OSBPL2: variants seen among roughly 807,000 people sequenced by gnomAD.
OSBPL2 encodes oxysterol binding protein like 2, also known as oxysterol-binding protein-related protein 2.
In OSBPL2, 18 loss-of-function variants were observed where a neutral mutation model predicts 58.4. The ratio of observed to expected loss-of-function variants is 0.31; its 90% CI spans 0.21 to 0.46. The LOEUF (loss-of-function observed/expected upper bound fraction) is 0.46. OSBPL2 is among the 20% of genes least tolerant of loss of function. The pLI is 1.00. For synonymous variants in OSBPL2, 221 were observed against 234.1 expected (o/e 0.94, Z 0.51); for missense variants, 461 against 616.5 (o/e 0.75, Z 2.67).
At chr20:62,283,164 G>A (rs1982899342) in intron 9 of OSBPL2, among the ~76,000 whole-genome samples, 1 of 152,034 alleles carries the variant, frequency 6.6e-6, no homozygotes, top group Admixed American at 6.6e-5. Context: ...CAGGGACCCC[G>A]AGGCCAGACT....
At chr20:62,249,115 T>TG (rs1980352971) in intron 1 of OSBPL2, among the ~76,000 whole-genome samples, 1 of 152,182 alleles carries the variant, frequency 6.6e-6, no homozygotes, top group Non-Finnish European at 1.5e-5. Flanking sequence ...GAAAGTGTGC[T>TG]GGGGTCCTTT....
At chr20:62,289,928 AACAC>A (rs1447068879) in intron 12 of OSBPL2, among the ~76,000 whole-genome samples, 1 of 152,044 alleles carries the variant, frequency 6.6e-6, no homozygotes, top group African/African-American at 2.4e-5. Context: ...AACAACAAAA[AACAC>A]AAACAAAAAA....
At position 62,260,098 on chromosome 20, in the gene OSBPL2, C is replaced by G. The variant is rs1352504596; in HGVS notation, c.155C>G (p.Ser52Cys). ...ATTGGGAAAACTGGGGAGAGGCCCTCTCAAGAGAACGGAATTCAGAAACAC... is the reference window on the plus strand; with the variant it reads ...ATTGGGAAAACTGGGGAGAGGCCCTGTCAAGAGAACGGAATTCAGAAACAC... ...NRIGKTGERPSQENGIQKHRT... is the reference protein window; with the variant it reads ...NRIGKTGERPCQENGIQKHRT... The change falls in exon 3 of 14, where the codon TCT (serine) becomes TGT (cysteine). Residue 52 changes from serine to cysteine, a missense_variant. Ser to Cys is a moderately radical substitution (Grantham distance 112). Coordinates refer to ENST00000313733, the MANE Select transcript of OSBPL2 (RefSeq NM_144498.4). 1 of 1,613,840 alleles carries G rather than the reference C, an allele frequency of 6.2e-7. No individual in the cohort carries two copies. Among genetic ancestry groups the G allele is most frequent in the Admixed American group, 1.7e-5 (1 of 59,974 alleles).
intron 1 of OSBPL2, chr20:62,255,098 CTTT>C (rs11479147): frequency 1.1e-4 from 15 of 134,434 alleles, no homozygotes; most frequent in Non-Finnish European, 1.4e-4. Context: ...GCCCCCATGA[CTTT>C]TTTTTTTTTT....
chr20:62,281,826 T>C lies in OSBPL2; in HGVS notation c.819T>C (p.Cys273=). The C allele has an allele frequency of 6.2e-7, 1 of 1,612,500 alleles. No individual in the cohort carries two copies. The part of the protein sequence containing the change: ...GHKCVLHFKP[C]GLFGKELHKV... ...AGTGTGTGCTTCACTTTAAACCGTG[T>C]GGATTATTTGGAAAAGAACTTCACA... Residue 273 remains cysteine (C), a synonymous_variant, in exon 9 of 14, where the codon TGT becomes TGC. Coordinates refer to ENST00000313733, the MANE Select transcript of OSBPL2 (RefSeq NM_144498.4).
intron 2 of OSBPL2, among the ~76,000 whole-genome samples, chr20:62,257,795 A>G (rs1601161982): frequency 6.7e-6 from 1 of 150,038 alleles, no homozygotes; most frequent in Non-Finnish European, 1.5e-5. Flanking sequence ...GCTCACTGCA[A>G]CCTCCTCCTC....
intron 1 of OSBPL2, chr20:62,242,267 G>A (rs1979782978): frequency 6.6e-6 from 1 of 152,234 alleles, no homozygotes; most frequent in Non-Finnish European, 1.5e-5. Context: ...CTGTTAAATA[G>A]CTCACAGCAC....
At chr20:62,274,773 G>A (rs1475026068) in intron 6 of OSBPL2, among the ~76,000 whole-genome samples, 1 of 152,262 alleles carries the variant, frequency 6.6e-6, no homozygotes, top group Non-Finnish European at 1.5e-5. Flanking sequence ...CAGAATGCAA[G>A]CTGTTTGCCA....
chr20:62,249,624 G>T (rs1371917485), intron 1 of OSBPL2, among the ~76,000 whole-genome samples: 1 of 152,142 alleles, frequency 6.6e-6, no homozygotes, highest in Admixed American at 6.5e-5. Flanking sequence ...GCCCAGGCTG[G>T]AGTGCAGTGG....
chr20:62,251,434 T>A (rs1470197139), intron 1 of OSBPL2, among the ~76,000 whole-genome samples: 1 of 139,420 alleles, frequency 7.2e-6, no homozygotes, highest in Admixed American at 7.3e-5. Flanking sequence ...TTAAGACAGA[T>A]TTTTGCTCTT....
chr20:62,259,637 G>C (rs1293277565), intron 2 of OSBPL2, among the ~76,000 whole-genome samples: 1 of 152,212 alleles, frequency 6.6e-6, no homozygotes, highest in African/African-American at 2.4e-5. Flanking sequence ...TCCGATAGAA[G>C]TGGCCCACCC....
At position 62,279,615 on chromosome 20, in the gene OSBPL2, G is replaced by A. The variant is rs886763115; in HGVS notation, c.674+276G>A. The A allele has an allele frequency of 3.3e-4, 164 of 495,662 alleles. 1 individual carries two copies. The highest frequency in any genetic ancestry group is 5.0e-4 in the Non-Finnish European group (139 of 276,120). 30.7% of individuals were successfully genotyped at this position (495,662 alleles called of 1,614,324 possible). ...CCATGTTGCTGGGGTGCATCCTCACGTCTGCAGTTGGAACTCACCCCGCTT... is the reference window on the plus strand; with the variant it reads ...CCATGTTGCTGGGGTGCATCCTCACATCTGCAGTTGGAACTCACCCCGCTT... On this transcript the variant is annotated intron_variant, in intron 7 of 13. Coordinates refer to ENST00000313733, the MANE Select transcript of OSBPL2 (RefSeq NM_144498.4).
intron 6 of OSBPL2, among the ~76,000 whole-genome samples, chr20:62,274,689 A>G (rs1309781400): frequency 2.0e-5 from 3 of 152,204 alleles, no homozygotes; most frequent in African/African-American, 7.2e-5. Context: ...AGCCCAGCAC[A>G]CAGAGCTCGC....
Position 62,243,854 on chromosome 20 carries a change from T to TA in OSBPL2, c.-129+5266dup, listed in dbSNP as rs1003395674. ...TTCCTGTTTTTTTAAATTTTTTAAT[T>TA]AAAAAAAAATTTTTTTTGCAGAGGG... On this transcript the variant is annotated intron_variant, in intron 1 of 13. Transcript: ENST00000313733. 4.2e-4 allele frequency among the ~76,000 whole-genome samples: 8 copies of TA among 18,922 alleles called. 1 individual carries two copies. The highest frequency in any genetic ancestry group is 7.7e-3 in the South Asian group (2 of 260). 12.4% of individuals were successfully genotyped at this position (18,922 alleles called of 152,430 possible).
intron 12 of OSBPL2, among the ~76,000 whole-genome samples, chr20:62,291,074 G>A (rs1008271717): frequency 1.3e-5 from 2 of 152,112 alleles, no homozygotes; most frequent in Non-Finnish European, 1.5e-5. Flanking sequence ...TGTTGCCCGG[G>A]CTGGTTGCCA....
At chr20:62,292,372 C>G (rs1053280045) in intron 13 of OSBPL2, among the ~76,000 whole-genome samples, 5 of 152,224 alleles carry the variant, frequency 3.3e-5, no homozygotes, top group Non-Finnish European at 7.3e-5. Flanking sequence ...CCCCATGACC[C>G]AGAAAGGTTT....
At chr20:62,283,863 G>A (rs1464001647) in intron 9 of OSBPL2, among the ~76,000 whole-genome samples, 183 bp from the exon 10 acceptor site, 3 of 151,962 alleles carry the variant, frequency 2.0e-5, no homozygotes, top group East Asian at 1.9e-4. Flanking sequence ...TCCTTTCCGT[G>A]GTGTGTATCG....
At position 62,295,912 on chromosome 20, in the gene OSBPL2, C is replaced by T. The variant is rs2145989357; in HGVS notation, c.*2025C>T. ...CACGGGTTTGTTTCCAAGTCCTCTT[C>T]TAGGACCAGGCTCCTGGTATTTCAG... On this transcript the variant is annotated 3_prime_UTR_variant, in exon 14 of 14. Transcript: ENST00000313733. This position sits in a 1 kb window ranked among gnomAD's most constrained non-coding sequence, Gnocchi z 4.8. 1 of 152,326 alleles carries T rather than the reference C, an allele frequency of 6.6e-6. No individual in the cohort carries two copies. 9.4% of individuals were successfully genotyped at this position (152,326 alleles called of 1,614,324 possible).
intron 13 of OSBPL2, among the ~76,000 whole-genome samples, chr20:62,292,352 C>T (rs1455005552): frequency 6.6e-6 from 1 of 152,242 alleles, no homozygotes; most frequent in African/African-American, 2.4e-5. Flanking sequence ...GCCACTCAGG[C>T]TGATCTTCAC....
Sources: allele counts gnomAD v4.1 joint callset (sites outside exome capture counted in the v4.1 genomes callset), GRCh38; gene constraint gnomAD v4.1.1; non-coding constraint Gnocchi (gnomAD v3.1); transcripts MANE v1.5; gene names NCBI Gene and HGNC (gene_info 2026-07-23, HGNC 2026-07-21).